The following PPP2R2A variants were observed in gnomAD, a reference collection of about 807,000 sequenced individuals.
The protein encoded by PPP2R2A is protein phosphatase 2 regulatory subunit Balpha.
Under a neutral mutation model 53.2 loss-of-function variants are expected in PPP2R2A, and 9 were observed. The ratio of observed to expected loss-of-function variants is 0.17; its 90% CI spans 0.10 to 0.30. The LOEUF is 0.30. Ranked by LOEUF, PPP2R2A falls within the 10% of genes least tolerant of loss-of-function variation. PPP2R2A has a pLI of 1.00. For synonymous variants in PPP2R2A, 169 were observed against 174.2 expected, an observed-to-expected ratio of 0.97 and a Z score of 0.23; for missense variants, 235 against 534.6, an observed-to-expected ratio of 0.44 and a Z score of 5.53.
intron 2 of PPP2R2A, among the ~76,000 whole-genome samples, chr8:26,331,411 TCTTTTA>T (rs1362247475): frequency 2.0e-5 from 3 of 152,250 alleles, no homozygotes; most frequent in African/African-American, 7.2e-5. Context: ...TTGATTTTTA[TCTTTTA>T]CTTTAACCTC....
intron 2 of PPP2R2A, chr8:26,333,413 C>A: frequency 1.6e-6 from 1 of 622,952 alleles, no homozygotes; most frequent in Non-Finnish European, 2.3e-6. Context: ...ATTTCAAATA[C>A]CTTCAGCTGT....
chr8:26,320,860 G>T (rs2072959255), intron 2 of PPP2R2A, among the ~76,000 whole-genome samples: 2 of 152,062 alleles, frequency 1.3e-5, no homozygotes, highest in African/African-American at 4.8e-5. Context: ...GAATTATATG[G>T]CTAGGAACAC....
intron 1 of PPP2R2A, chr8:26,293,328 A>C (rs772792589): frequency 6.9e-7 from 1 of 1,449,522 alleles, no homozygotes; most frequent in South Asian, 1.2e-5. Flanking sequence ...TTGTACACTT[A>C]AGAAAACTCT....
At chr8:26,299,135 A>C (rs763363782) in intron 2 of PPP2R2A, among the ~76,000 whole-genome samples, 25 of 152,240 alleles carry the variant, frequency 1.6e-4, no homozygotes, top group African/African-American at 6.0e-4. Flanking sequence ...TTAGCAGGGC[A>C]TGGCAGTGTG....
intron 3 of PPP2R2A, among the ~76,000 whole-genome samples, chr8:26,345,478 G>T (rs1399917204): frequency 6.6e-6 from 1 of 152,118 alleles, no homozygotes; most frequent in Admixed American, 6.5e-5. Context: ...CCAAAGGCCT[G>T]TCTTTCTGAA....
chr8:26,316,135 G>T (rs1234097894), intron 2 of PPP2R2A, among the ~76,000 whole-genome samples: 1 of 152,104 alleles, frequency 6.6e-6, no homozygotes, highest in East Asian at 1.9e-4. Flanking sequence ...CTCCCGAGTA[G>T]CTGGGACTAC....
chr8:26,350,189 A>T (rs1804420958), intron 3 of PPP2R2A, among the ~76,000 whole-genome samples: 1 of 151,842 alleles, frequency 6.6e-6, no homozygotes, highest in Admixed American at 6.6e-5. Flanking sequence ...TCAGCCTCCC[A>T]AGTAGCTGGG....
In PPP2R2A at chr8:26,341,336, T is replaced by G. The variant is rs573300951; in HGVS notation, c.180+2349T>G. Reference sequence around the variant, plus strand: ...ATCTATGTCATTGGTCATAAATATGTATACTTGACACTTAGAGGCACCTTT... The same window carrying G: ...ATCTATGTCATTGGTCATAAATATGGATACTTGACACTTAGAGGCACCTTT... On this transcript the variant is annotated intron_variant, in intron 3 of 9. Coordinates refer to ENST00000380737, the MANE Select transcript of PPP2R2A (RefSeq NM_002717.4). Among the ~76,000 whole-genome samples, 23 of 152,324 alleles carry G rather than the reference T, an allele frequency of 1.5e-4. 1 individual carries two copies. The highest frequency in any genetic ancestry group is 6.8e-3 in the Middle Eastern group (2 of 294).
At chr8:26,336,086 C>G (rs1563306504) in intron 2 of PPP2R2A, among the ~76,000 whole-genome samples, 1 of 152,112 alleles carries the variant, frequency 6.6e-6, no homozygotes, top group Non-Finnish European at 1.5e-5. Flanking sequence ...ATTGTACCTA[C>G]AATCATTACT....
intron 9 of PPP2R2A, among the ~76,000 whole-genome samples, chr8:26,368,440 C>G (rs1190777908): frequency 6.6e-6 from 1 of 152,132 alleles, no homozygotes; most frequent in Non-Finnish European, 1.5e-5. Flanking sequence ...TGTGAGGATA[C>G]TTAATAAATG....
chr8:26,302,198 A>G (rs1387700434), intron 2 of PPP2R2A, among the ~76,000 whole-genome samples: 2 of 152,216 alleles, frequency 1.3e-5, no homozygotes, highest in African/African-American at 2.4e-5. Flanking sequence ...TTTGGTGGAC[A>G]TTTTCTCAAA....
intron 2 of PPP2R2A, among the ~76,000 whole-genome samples, chr8:26,330,021 A>G (rs7838409): frequency 0.23 from 34,568 of 152,004 alleles, 4,123 homozygotes; most frequent in Middle Eastern, 0.3. Context: ...CATGTTTTCA[A>G]ATAGTCCCGC....
At chr8:26,315,279 A>G (rs975440216) in intron 2 of PPP2R2A, among the ~76,000 whole-genome samples, 2 of 152,056 alleles carry the variant, frequency 1.3e-5, no homozygotes, top group African/African-American at 2.4e-5. Context: ...GGTGGGCTTC[A>G]CTGTAGGGTG....
At chr8:26,310,000 C>T (rs1276515961) in intron 2 of PPP2R2A, among the ~76,000 whole-genome samples, 2 of 151,434 alleles carry the variant, frequency 1.3e-5, no homozygotes, top group South Asian at 2.1e-4. Flanking sequence ...TGGTGCCATT[C>T]GGCCAGGCGT....
intron 3 of PPP2R2A, among the ~76,000 whole-genome samples, chr8:26,353,515 G>A (rs1804622433): frequency 6.6e-6 from 1 of 152,142 alleles, no homozygotes; most frequent in African/African-American, 2.4e-5. Context: ...ATAGTTGACT[G>A]TCAATAATAT....
At chr8:26,361,225 C>T in intron 6 of PPP2R2A, 74 bp downstream of exon 6, 3 of 1,418,932 alleles carry the variant, frequency 2.1e-6, no homozygotes, top group Non-Finnish European at 2.8e-6. Context: ...TTCATCTCTC[C>T]TAATGAATTT....
chr8:26,340,196 G>T (rs1803872096), intron 3 of PPP2R2A, among the ~76,000 whole-genome samples: 1 of 151,898 alleles, frequency 6.6e-6, no homozygotes, highest in Admixed American at 6.6e-5. Flanking sequence ...CATACTTAGA[G>T]TTGACATGGA....
rs1802849747 is a variant in PPP2R2A at position 26,321,706 on chromosome 8, C to G, written c.83-17184C>G. On this transcript the variant is annotated intron_variant, in intron 2 of 9. Transcript: ENST00000380737. This position sits in a 1 kb window ranked among gnomAD's most constrained non-coding sequence, Gnocchi z 4.1. Reference sequence around the variant, plus strand: ...CGAGCTTGGAAGTAGATCTCCTCCTCCAGTCAGGCTTTCGGATACCTGCAA... The same window carrying G: ...CGAGCTTGGAAGTAGATCTCCTCCTGCAGTCAGGCTTTCGGATACCTGCAA... Among the ~76,000 whole-genome samples, 1 of 152,192 alleles carries G rather than the reference C, an allele frequency of 6.6e-6. No homozygotes were observed. The highest frequency in any genetic ancestry group is 1.5e-5 in the Non-Finnish European group (1 of 68,034).
intron 2 of PPP2R2A, among the ~76,000 whole-genome samples, chr8:26,302,659 T>C (rs905809325): frequency 4.6e-5 from 7 of 152,240 alleles, no homozygotes; most frequent in Admixed American, 3.9e-4. Flanking sequence ...TCTAACTACA[T>C]ATCTGAGTGA....
Sources: allele counts gnomAD v4.1 joint callset (sites outside exome capture counted in the v4.1 genomes callset), GRCh38; gene constraint gnomAD v4.1.1; non-coding constraint Gnocchi (gnomAD v3.1); transcripts MANE v1.5; gene names NCBI Gene and HGNC (gene_info 2026-07-23, HGNC 2026-07-21).